Variants in ITPKB observed in about 807,000 individuals in gnomAD.
The protein encoded by ITPKB is IP3 3-kinase B.
ITPKB carries 13 observed loss-of-function variants against 69.4 expected under a neutral mutation model. That is an observed-to-expected ratio of 0.19 (90% CI 0.12 to 0.30). ITPKB has a LOEUF of 0.30. Among genes scored for constraint, ITPKB ranks in the 10% least tolerant of loss-of-function variants. The pLI is 1.00. For synonymous variants in ITPKB, 584 were observed against 513.7 expected, an observed-to-expected ratio of 1.14 and a Z score of -1.85; for missense variants, 1,240 against 1,250.5, an observed-to-expected ratio of 0.99 and a Z score of 0.13.
intron 2 of ITPKB, chr1:226,707,308 G>T: frequency 5.1e-6 from 1 of 196,772 alleles, no homozygotes; most frequent in Non-Finnish European, 9.2e-6. Context: ...CAATTCTCCT[G>T]CCTCAGCCTC....
intron 2 of ITPKB, among the ~76,000 whole-genome samples, chr1:226,674,134 T>G (rs918373148): frequency 3.3e-5 from 5 of 152,192 alleles, no homozygotes; most frequent in African/African-American, 9.7e-5. Flanking sequence ...TAAGAAAAAC[T>G]GAGACAGATT....
At chr1:226,643,109 C>T (rs961161147) in intron 4 of ITPKB, among the ~76,000 whole-genome samples, 2 of 152,248 alleles carry the variant, frequency 1.3e-5, no homozygotes, top group Admixed American at 6.5e-5. Context: ...AACTGCCTCA[C>T]GGCCCTGGCC....
At chr1:226,734,030 C>T (rs963601063) in intron 2 of ITPKB, among the ~76,000 whole-genome samples, 1 of 152,194 alleles carries the variant, frequency 6.6e-6, no homozygotes, top group Non-Finnish European at 1.5e-5. Context: ...GGACGGGGGA[C>T]CATCTCTTAT....
chr1:226,675,453 A>G (rs1031577758), intron 2 of ITPKB, among the ~76,000 whole-genome samples: 1 of 152,208 alleles, frequency 6.6e-6, no homozygotes, highest in Non-Finnish European at 1.5e-5. Context: ...AGCACTGGAA[A>G]AACTCTCATG....
intron 2 of ITPKB, among the ~76,000 whole-genome samples, chr1:226,663,352 C>T (rs1270040985): frequency 6.6e-6 from 1 of 152,116 alleles, no homozygotes; most frequent in Non-Finnish European, 1.5e-5. Flanking sequence ...GTTTGTGTCC[C>T]AATCGGGGCA....
intron 6 of ITPKB, among the ~76,000 whole-genome samples, chr1:226,639,069 T>TC (rs1668897392): frequency 6.8e-6 from 1 of 147,788 alleles, no homozygotes; most frequent in South Asian, 2.1e-4. Context: ...TTTTTTTTTT[T>TC]TTTCCCAGAC....
At chr1:226,712,729 C>T (rs1253640143) in intron 2 of ITPKB, among the ~76,000 whole-genome samples, 1 of 152,152 alleles carries the variant, frequency 6.6e-6, no homozygotes, top group Non-Finnish European at 1.5e-5. Context: ...GTGTTTCCTG[C>T]TTAAGCACCC....
intron 2 of ITPKB, among the ~76,000 whole-genome samples, chr1:226,729,135 T>C (rs930577382): frequency 3.3e-5 from 5 of 152,280 alleles, no homozygotes; most frequent in Non-Finnish European, 5.9e-5. Context: ...ATGGGTCCTG[T>C]AATGGTATTG....
chr1:226,674,026 T>TC (rs1558081998), intron 2 of ITPKB, among the ~76,000 whole-genome samples: 1 of 151,816 alleles, frequency 6.6e-6, no homozygotes, highest in African/African-American at 2.4e-5. Context: ...CTGCTCCATT[T>TC]CCCCCCGATC....
At chr1:226,726,406 C>T (rs1243822820) in intron 2 of ITPKB, among the ~76,000 whole-genome samples, 4 of 152,174 alleles carry the variant, frequency 2.6e-5, no homozygotes, top group Non-Finnish European at 4.4e-5. Flanking sequence ...CAGCTGTAAT[C>T]CCAACACTTT....
chr1:226,647,709 C>T (rs1669089343), intron 3 of ITPKB, among the ~76,000 whole-genome samples: 1 of 152,368 alleles, frequency 6.6e-6, no homozygotes, highest in Non-Finnish European at 1.5e-5. Flanking sequence ...TTCATCCTCA[C>T]CTCCATCATC....
intron 2 of ITPKB, among the ~76,000 whole-genome samples, chr1:226,720,663 T>C (rs1657213200): frequency 6.6e-6 from 1 of 152,248 alleles, no homozygotes; most frequent in East Asian, 1.9e-4. Flanking sequence ...TTGTGCATCC[T>C]AAGACTGTTT....
intron 5 of ITPKB, 99 bp from the exon 6 acceptor site, chr1:226,639,757 C>G (rs1385422085): frequency 1.2e-6 from 1 of 816,076 alleles, no homozygotes; most frequent in African/African-American, 1.7e-5. Context: ...CGAGCCCCAT[C>G]TGAACCTGGG....
intron 2 of ITPKB, among the ~76,000 whole-genome samples, chr1:226,732,925 C>A (rs1571881137): frequency 6.6e-6 from 1 of 152,140 alleles, no homozygotes; most frequent in Admixed American, 6.5e-5. Flanking sequence ...GCCTGCACAC[C>A]AAGTCATACA....
intron 3 of ITPKB, among the ~76,000 whole-genome samples, chr1:226,648,466 G>GA (rs397705985): frequency 1.3e-5 from 2 of 151,808 alleles, no homozygotes; most frequent in Non-Finnish European, 2.9e-5. Flanking sequence ...GGAGGATGGG[G>GA]TAACACAGAC....
chr1:226,640,525 G>A (rs554929568), intron 5 of ITPKB, among the ~76,000 whole-genome samples: 11 of 152,306 alleles, frequency 7.2e-5, no homozygotes, highest in African/African-American at 2.4e-4. Context: ...AGCTAAGGGC[G>A]GGGCAGGCAG....
chr1:226,721,736 C>T (rs1657248737), intron 2 of ITPKB, among the ~76,000 whole-genome samples: 1 of 151,900 alleles, frequency 6.6e-6, no homozygotes, highest in Non-Finnish European at 1.5e-5. Flanking sequence ...CTCAGGTGAT[C>T]CACCTGCCTC....
chr1:226,731,023 G>A (rs1163057378), intron 2 of ITPKB, among the ~76,000 whole-genome samples: 3 of 152,246 alleles, frequency 2.0e-5, no homozygotes, highest in African/African-American at 4.8e-5. Context: ...GCATTTGCAT[G>A]ATAAGTAGCA....
chr1:226,636,345 C>T (rs1194009746), intron 7 of ITPKB, among the ~76,000 whole-genome samples: 2 of 152,226 alleles, frequency 1.3e-5, no homozygotes, highest in African/African-American at 4.8e-5. Context: ...CGAGAAGGAC[C>T]GAGCTCCCTG....
Sources: allele counts gnomAD v4.1 joint callset (sites outside exome capture counted in the v4.1 genomes callset), GRCh38; gene constraint gnomAD v4.1.1; transcripts MANE v1.5; gene names NCBI Gene and HGNC (gene_info 2026-07-23, HGNC 2026-07-21).